VPS13B: variants seen among roughly 807,000 people sequenced by gnomAD.
The protein encoded by VPS13B is vacuolar protein sorting 13 homolog B.
A neutral mutation model predicts 426.4 loss-of-function variants in VPS13B; 285 were observed. The ratio of observed to expected loss-of-function variants is 0.67; its 90% CI spans 0.61 to 0.74. The LOEUF (loss-of-function observed/expected upper bound fraction) is 0.74, where lower values mean the gene tolerates loss of function less well. VPS13B is among the 30% of genes least tolerant of loss of function. The probability of loss-of-function intolerance (pLI) is 0.00; values close to 1 mark genes in which losing one functional copy is unlikely to be tolerated. For missense variants in VPS13B, 4,537 were observed against 4,782.6 expected, an observed-to-expected ratio of 0.95 and a Z score of 1.51; for synonymous variants, 1,676 against 1,676.4, an observed-to-expected ratio of 1.00 and a Z score of 0.01.
chr8:99,619,642 C>G (rs1828265693), intron 33 of VPS13B, among the ~76,000 whole-genome samples: 1 of 152,072 alleles, frequency 6.6e-6, no homozygotes, highest in Non-Finnish European at 1.5e-5. Flanking sequence ...TAGGCCAAGA[C>G]AGGAGGATTG....
chr8:99,779,473 A>G (rs1028049977), intron 42 of VPS13B, among the ~76,000 whole-genome samples: 4 of 152,250 alleles, frequency 2.6e-5, no homozygotes, highest in Non-Finnish European at 5.9e-5. Context: ...AAGCAGCGAG[A>G]TGAAATATGT....
At chr8:99,256,080 A>G (rs767337576) in intron 17 of VPS13B, among the ~76,000 whole-genome samples, 17 of 152,174 alleles carry the variant, frequency 1.1e-4, no homozygotes, top group Non-Finnish European at 2.5e-4. Context: ...TTTTGCTAGG[A>G]TACCTCTTTC....
chr8:99,313,738 T>A (rs1821145483), intron 19 of VPS13B, among the ~76,000 whole-genome samples: 1 of 152,218 alleles, frequency 6.6e-6, no homozygotes. Flanking sequence ...TCTGCTGCCT[T>A]CTGTTTGCCT....
At position 99,458,092 on chromosome 8, in the gene VPS13B, G is replaced by GTTGTGT. The variant is rs545706045; in HGVS notation, c.3446-9322_3446-9321insTTGTGT. Among the ~76,000 whole-genome samples the GTTGTGT allele has an allele frequency of 8.4e-3, 575 of 68,660 alleles. 4 individuals carry two copies. The highest frequency in any genetic ancestry group is 0.031 in the African/African-American group (531 of 17,256). The allele number at this position is 68,660 out of a possible 152,430, so 45.0% of individuals were successfully genotyped here. A position where few individuals can be genotyped will look rare whatever the true frequency, so the allele number is the denominator to read the frequency against. On this transcript the variant is annotated intron_variant, in intron 23 of 61. Transcript: ENST00000357162. ...TCCCCCCAACCCCACAACAGGCCCCGGTGTGTGATGTTCCCCTTCCTGTGT... is the reference window on the plus strand; with the variant it reads ...TCCCCCCAACCCCACAACAGGCCCCGTTGTGTGTGTGTGATGTTCCCCTTCCTGTGT...
rs147681408 is a variant in VPS13B, at chr8:99,544,909, A to G, written c.4746-11541A>G. ...AGATTTCACCAAATCCTTAGGCACT[A>G]CTCAGTGCTGTAATTCATTTTACAG... is the stretch of plus-strand genomic sequence containing the variant. On this transcript the variant is annotated intron_variant, in intron 30 of 61. Transcript: ENST00000357162. Among the ~76,000 whole-genome samples, 501 of 152,252 alleles carry G rather than the reference A, an allele frequency of 3.3e-3. 4 individuals are homozygous for G. The highest frequency in any genetic ancestry group is 5.4e-3 in the Non-Finnish European group (367 of 68,008).
In VPS13B at chr8:99,565,931, A is replaced by G. The variant is rs76969443; in HGVS notation, c.4949+9278A>G. ...TAGGTTAATGCCTAGATTGACCTAA[A>G]CCTACTTGAATGATATGATTTTATA... is the stretch of plus-strand genomic sequence containing the variant. On this transcript the variant is annotated intron_variant, in intron 31 of 61. Transcript: ENST00000357162. Among the ~76,000 whole-genome samples the G allele has an allele frequency of 3.2e-4, 48 of 152,296 alleles. No individual in the cohort carries two copies. The East Asian group carries it at 8.3e-3, about 26-fold the overall frequency.
At chr8:99,529,464 G>A (rs1052766315) in intron 30 of VPS13B, among the ~76,000 whole-genome samples, 3 of 152,012 alleles carry the variant, frequency 2.0e-5, no homozygotes, top group African/African-American at 7.2e-5. Flanking sequence ...GTTTTGAACC[G>A]AGAAAATATT....
chr8:99,029,949 C>T (rs1422610019), intron 2 of VPS13B, among the ~76,000 whole-genome samples: 2 of 152,116 alleles, frequency 1.3e-5, no homozygotes, highest in Admixed American at 6.5e-5. Context: ...TTCATCTTTT[C>T]TCAGTTTGAC....
intron 41 of VPS13B, among the ~76,000 whole-genome samples, 197 bp from the exon 42 acceptor site, chr8:99,778,485 C>G (rs541083292): frequency 2.0e-5 from 3 of 152,036 alleles, no homozygotes; most frequent in Non-Finnish European, 4.4e-5. Context: ...CCTAATTGAA[C>G]AAAACAGTTT....
At chr8:99,832,122 C>T (rs1173345641) in intron 51 of VPS13B, among the ~76,000 whole-genome samples, 4 of 151,796 alleles carry the variant, frequency 2.6e-5, no homozygotes, top group Admixed American at 1.3e-4. Flanking sequence ...ATTAGCCGGG[C>T]GTGGTGGCAT....
At chr8:99,414,216 A>G (rs1396749829) in intron 21 of VPS13B, among the ~76,000 whole-genome samples, 3 of 149,230 alleles carry the variant, frequency 2.0e-5, no homozygotes, top group Non-Finnish European at 3.0e-5. Flanking sequence ...CTGTTTTATC[A>G]GAGACTAGGA....
intron 31 of VPS13B, among the ~76,000 whole-genome samples, chr8:99,562,850 T>A (rs944518559): frequency 2.0e-5 from 3 of 152,176 alleles, no homozygotes. Context: ...AGACTTTTGA[T>A]GGCTGTGTGT....
chr8:99,357,534 T>A (rs960084197), intron 19 of VPS13B, among the ~76,000 whole-genome samples: 13 of 152,174 alleles, frequency 8.5e-5, no homozygotes, highest in African/African-American at 3.1e-4. Flanking sequence ...CTAATAAAGT[T>A]TTTTTGGTTT....
intron 59 of VPS13B, 110 bp downstream of exon 59, chr8:99,868,575 C>A: frequency 7.9e-7 from 1 of 1,273,242 alleles, no homozygotes; most frequent in Non-Finnish European, 1.1e-6. Flanking sequence ...CAGTGGCTAT[C>A]TTTCTTACCT....
intron 44 of VPS13B, among the ~76,000 whole-genome samples, chr8:99,812,964 T>A (rs2130796855): frequency 6.6e-6 from 1 of 152,272 alleles, no homozygotes; most frequent in African/African-American, 2.4e-5. Context: ...CCTGGAAATG[T>A]GTATTAAAGA....
chr8:99,352,079 A>G (rs1054625672), intron 19 of VPS13B, among the ~76,000 whole-genome samples: 29 of 152,212 alleles, frequency 1.9e-4, no homozygotes, highest in African/African-American at 6.0e-4. Context: ...GGCTTGTGTT[A>G]TATTAAATGG....
intron 23 of VPS13B, among the ~76,000 whole-genome samples, chr8:99,448,252 C>T (rs966422263): frequency 6.6e-6 from 1 of 150,800 alleles, no homozygotes; most frequent in African/African-American, 2.4e-5. Context: ...TTGAAATTTC[C>T]AGTCTATTTT....
chr8:99,415,400 C>T (rs543372088), intron 21 of VPS13B, among the ~76,000 whole-genome samples: 57 of 152,002 alleles, frequency 3.7e-4, no homozygotes, highest in Middle Eastern at 3.4e-3. Flanking sequence ...ACCCACCTTC[C>T]GAAGCCTGCC....
At chr8:99,596,606 A>T (rs964577077) in intron 33 of VPS13B, among the ~76,000 whole-genome samples, 2 of 151,960 alleles carry the variant, frequency 1.3e-5, no homozygotes, top group Non-Finnish European at 2.9e-5. Flanking sequence ...ATTAGAGCAT[A>T]GGGGAAATGA....
Sources: gnomAD v4.1 joint callset for allele counts (sites outside exome capture counted in the v4.1 genomes callset) on GRCh38, gnomAD v4.1.1 for gene constraint, MANE v1.5 for transcripts, NCBI Gene and HGNC (gene_info 2026-07-23, HGNC 2026-07-21) for gene names.